Variants in TNS3 observed in about 807,000 individuals in gnomAD.
TNS3 encodes tensin-3.
A neutral mutation model predicts 140.9 loss-of-function variants in TNS3; 45 were observed. The observed-to-expected ratio is 0.32, with a 90% confidence interval of 0.25 to 0.41. The LOEUF (loss-of-function observed/expected upper bound fraction) is 0.41. Among genes scored for constraint, TNS3 ranks in the 10% least tolerant of loss-of-function variants. The pLI, the probability that TNS3 is intolerant of heterozygous loss-of-function variation, is 1.00. For missense variants in TNS3, 1,716 were observed against 1,906.7 expected (o/e 0.90, Z 1.86); for synonymous variants, 815 against 788.4 (o/e 1.03, Z -0.56).
chr7:47,549,206 C>A (rs560793274), intron 1 of TNS3, among the ~76,000 whole-genome samples: 18 of 152,096 alleles, frequency 1.2e-4, no homozygotes, highest in African/African-American at 4.1e-4. Flanking sequence ...AATGAAAGTT[C>A]TTTTGGCCAG....
intron 16 of TNS3, among the ~76,000 whole-genome samples, chr7:47,373,171 G>A (rs1415546948): frequency 6.6e-6 from 1 of 152,196 alleles, no homozygotes; most frequent in Non-Finnish European, 1.5e-5. Context: ...TTGAACTTCA[G>A]TCGGACAAAG....
intron 13 of TNS3, among the ~76,000 whole-genome samples, chr7:47,406,272 G>A (rs971034394): frequency 5.3e-5 from 8 of 152,218 alleles, no homozygotes; most frequent in East Asian, 1.9e-4. Context: ...GTGTCGAGGC[G>A]AAGGCAGACG....
At chr7:47,562,550 C>T (rs1022175343) in intron 1 of TNS3, among the ~76,000 whole-genome samples, 1 of 152,148 alleles carries the variant, frequency 6.6e-6, no homozygotes, top group Admixed American at 6.5e-5. Flanking sequence ...CCACACTCGG[C>T]TAATTTTTGT....
At chr7:47,306,411 G>C (rs1396904645) in intron 20 of TNS3, among the ~76,000 whole-genome samples, 1 of 152,168 alleles carries the variant, frequency 6.6e-6, no homozygotes, top group Non-Finnish European at 1.5e-5. Context: ...CTCCAATGAG[G>C]TAAACAAGCT....
intron 2 of TNS3, among the ~76,000 whole-genome samples, chr7:47,512,033 C>T (rs772172086): frequency 6.6e-5 from 10 of 152,250 alleles, no homozygotes; most frequent in African/African-American, 2.4e-5. Flanking sequence ...CATTCTCACT[C>T]CGTTGCACGA....
In TNS3 at chr7:47,304,996, T is replaced by C; in HGVS notation, c.2658A>G (p.Arg886=). 7.4e-7 allele frequency: 1 copy of C among 1,352,508 alleles called. No homozygotes were observed. Among genetic ancestry groups the C allele is most frequent in the Middle Eastern group, 2.0e-4 (1 of 5,060 alleles). The allele number at this position is 1,352,508 out of a possible 1,614,324, so 83.8% of individuals were successfully genotyped here. A position where few individuals can be genotyped will look rare whatever the true frequency, so the allele number is the denominator to read the frequency against. ...CGTGAGTGAGCGTCTCAGGGCAGCTTCGTGGTTCTGTAGCGGGAACACAGG... is the reference window on the plus strand; with the variant it reads ...CGTGAGTGAGCGTCTCAGGGCAGCTCCGTGGTTCTGTAGCGGGAACACAGG... The part of the protein sequence containing the change: ...ASQHKGGREP[R]SCPETLTHAV... The change falls in exon 21 of 31, where the codon CGA becomes CGG. Residue 886 remains arginine (R), a synonymous_variant. Coordinates refer to ENST00000311160, the MANE Select transcript of TNS3 (RefSeq NM_022748.12).
chr7:47,450,035 C>T (rs988203129), intron 4 of TNS3, among the ~76,000 whole-genome samples: 7 of 152,204 alleles, frequency 4.6e-5, no homozygotes, highest in African/African-American at 1.7e-4. Flanking sequence ...AGAGGTATCT[C>T]TAGCCTCTGG....
intron 9 of TNS3, among the ~76,000 whole-genome samples, chr7:47,427,420 C>T (rs1458927866): frequency 4.6e-5 from 7 of 152,296 alleles, no homozygotes; most frequent in African/African-American, 1.7e-4. Flanking sequence ...AAAGGTTTAT[C>T]GGCTGATATG....
chr7:47,324,150 G>A (rs908421407), intron 20 of TNS3, among the ~76,000 whole-genome samples: 3 of 152,154 alleles, frequency 2.0e-5, no homozygotes, highest in Non-Finnish European at 4.4e-5. Flanking sequence ...AGCATGTGCT[G>A]GTCTGTTTTG....
intron 28 of TNS3, among the ~76,000 whole-genome samples, chr7:47,282,843 C>A (rs1785219838): frequency 6.6e-6 from 1 of 152,134 alleles, no homozygotes; most frequent in South Asian, 2.1e-4. Context: ...AGGGGAAGAT[C>A]CTGCCTTCAA....
chr7:47,434,407 G>A (rs899583749), intron 8 of TNS3, among the ~76,000 whole-genome samples: 1 of 151,942 alleles, frequency 6.6e-6, no homozygotes, highest in African/African-American at 2.4e-5. Flanking sequence ...ATAGGGAGCT[G>A]CCCATTAATG....
chr7:47,352,422 C>T (rs530567004), intron 17 of TNS3, among the ~76,000 whole-genome samples: 3 of 152,300 alleles, frequency 2.0e-5, no homozygotes, highest in Admixed American at 1.3e-4. Flanking sequence ...TGCTCCAACA[C>T]GGCCCCACAG....
chr7:47,356,842 TGAG>T (rs1790020179), intron 17 of TNS3, among the ~76,000 whole-genome samples: 1 of 151,326 alleles, frequency 6.6e-6, no homozygotes, highest in Non-Finnish European at 1.5e-5. Context: ...TTTGAGAGAC[TGAG>T]GAGGGTGGAT....
chr7:47,564,002 G>A (rs933158004), intron 1 of TNS3, among the ~76,000 whole-genome samples: 2 of 150,868 alleles, frequency 1.3e-5, no homozygotes, highest in African/African-American at 4.9e-5. Context: ...GACCTTCCTG[G>A]CTAACACAGT....
In TNS3 at chr7:47,442,059, C is replaced by A; in HGVS notation, c.-75-4G>T. 7.9e-7 allele frequency: 1 copy of A among 1,270,556 alleles called. No individual in the cohort carries two copies. The highest frequency in any genetic ancestry group is 1.3e-5 in the South Asian group (1 of 77,058). 78.7% of individuals were successfully genotyped at this position (1,270,556 alleles called of 1,614,324 possible). A position where few individuals can be genotyped will look rare whatever the true frequency, so the allele number is the denominator to read the frequency against. On this transcript the variant is annotated splice_polypyrimidine_tract_variant and splice_region_variant and intron_variant, in intron 4 of 30. Transcript: ENST00000311160. ...ACAGCGTGGAACTCCCTGGAGCCTG[C>A]AAATAACAAAACAAGGGTCATTTTG... is the stretch of plus-strand genomic sequence containing the variant.
intron 4 of TNS3, among the ~76,000 whole-genome samples, chr7:47,478,547 C>T (rs1797281107): frequency 6.6e-6 from 1 of 152,036 alleles, no homozygotes; most frequent in Admixed American, 6.5e-5. Flanking sequence ...ATAACAACTA[C>T]ATTAAAAACC....
intron 6 of TNS3, 25 bp from the exon 7 acceptor site, chr7:47,437,338 T>C (rs748945933): frequency 8.1e-7 from 1 of 1,238,920 alleles, no homozygotes; most frequent in Admixed American, 2.9e-5. Flanking sequence ...AAAAATTGCC[T>C]TGCATAAAAT....
intron 16 of TNS3, among the ~76,000 whole-genome samples, chr7:47,389,019 AAGAAG>A (rs1562674490): frequency 4.2e-3 from 9 of 2,126 alleles, no homozygotes; most frequent in Admixed American, 0.01. Flanking sequence ...GAAGAAGAAG[AAGAAG>A]AAGAAGAAGA....
At chr7:47,515,367 G>A (rs1369264430) in intron 2 of TNS3, among the ~76,000 whole-genome samples, 2 of 151,900 alleles carry the variant, frequency 1.3e-5, no homozygotes, top group Non-Finnish European at 2.9e-5. Context: ...CATCACAATC[G>A]TTACCATTGC....
Sources: allele counts gnomAD v4.1 joint callset (sites outside exome capture counted in the v4.1 genomes callset), GRCh38; gene constraint gnomAD v4.1.1; transcripts MANE v1.5; gene names NCBI Gene and HGNC (gene_info 2026-07-23, HGNC 2026-07-21).